The following SCN2A variants were observed in gnomAD, a reference collection of about 807,000 sequenced individuals.
SCN2A encodes sodium channel protein type 2 subunit alpha.
A neutral mutation model predicts 188.7 loss-of-function variants in SCN2A; 20 were observed. The ratio of observed to expected loss-of-function variants is 0.11; its 90% confidence interval spans 0.07 to 0.15. The LOEUF (loss-of-function observed/expected upper bound fraction) is 0.15, where lower values mean the gene tolerates loss of function less well. Ranked by LOEUF, SCN2A falls within the 10% of genes least tolerant of loss-of-function variation. The pLI, the probability that SCN2A is intolerant of heterozygous loss-of-function variation, is 1.00. For missense variants in SCN2A, 1,278 were observed against 2,445.0 expected (o/e 0.52, Z 10.07); for synonymous variants, 804 against 833.1 (o/e 0.97, Z 0.60).
At chr2:165,265,813 CT>C (rs1559325297) in intron 1 of SCN2A, among the ~76,000 whole-genome samples, 1 of 149,908 alleles carries the variant, frequency 6.7e-6, no homozygotes, top group African/African-American at 2.5e-5. Context: ...CTTCTTCTTT[CT>C]TTCTTTCTTC....
At chr2:165,358,386 T>G (rs1700285459) in intron 17 of SCN2A, among the ~76,000 whole-genome samples, 1 of 152,174 alleles carries the variant, frequency 6.6e-6, no homozygotes, top group Non-Finnish European at 1.5e-5. Flanking sequence ...ATAATGTAAA[T>G]GAATAGGAAT....
intron 25 of SCN2A, among the ~76,000 whole-genome samples, chr2:165,383,335 A>C (rs1398817710): frequency 6.6e-6 from 1 of 152,138 alleles, no homozygotes; most frequent in Non-Finnish European, 1.5e-5. Flanking sequence ...ATCAATAGCC[A>C]GAGTGGGATG....
At chr2:165,383,414 T>G (rs1448269881) in intron 25 of SCN2A, among the ~76,000 whole-genome samples, 1 of 152,016 alleles carries the variant, frequency 6.6e-6, no homozygotes, top group African/African-American at 2.4e-5. Flanking sequence ...GAGACTGGAG[T>G]GCAGAAAGTC....
chr2:165,274,148 G>C (rs1192161163), intron 1 of SCN2A: 2 of 151,832 alleles, frequency 1.3e-5, no homozygotes, highest in African/African-American at 4.8e-5. Context: ...ATTTCTTTTT[G>C]TATAAAATAC....
At chr2:165,265,471 C>CCATA (rs1553560051) in intron 1 of SCN2A, among the ~76,000 whole-genome samples, 34 of 29,018 alleles carry the variant, frequency 1.2e-3, no homozygotes, top group Non-Finnish European at 6.5e-4. Flanking sequence ...CTCTGTTGAT[C>CCATA]TATATATATA....
At chr2:165,340,544 T>A (rs913242424) in intron 14 of SCN2A, among the ~76,000 whole-genome samples, 103 of 152,314 alleles carry the variant, frequency 6.8e-4, no homozygotes, top group African/African-American at 2.3e-3. Flanking sequence ...GTCTTTCAAA[T>A]GTAGGTATTG....
chr2:165,296,293 C>A (rs1340430306), intron 2 of SCN2A: 6 of 600,482 alleles, frequency 1.0e-5, no homozygotes, highest in Non-Finnish European at 1.8e-5. Flanking sequence ...GTGAGACAGG[C>A]AGAGAACTGG....
At chr2:165,384,679 T>C (rs1199330540) in intron 25 of SCN2A, among the ~76,000 whole-genome samples, 3 of 152,204 alleles carry the variant, frequency 2.0e-5, no homozygotes, top group East Asian at 3.9e-4. Context: ...AAAACTAAAA[T>C]TGAATAAGAG....
chr2:165,308,813 T>C lies in SCN2A; in HGVS notation c.605+19T>C, dbSNP rs373120658. The C allele has an allele frequency of 5.0e-6, 8 of 1,612,078 alleles. No homozygotes were observed. The African/African-American group carries it at 8.0e-5, about 16-fold the overall frequency. ...CTTTTGCGTAAGTATCTTAATACAT[T>C]TTCTATCCTGGAAGAGTAAATCACT... On this transcript the variant is annotated intron_variant, in intron 5 of 26. Transcript: ENST00000375437.
chr2:165,382,483 A>G (rs1701654087), intron 25 of SCN2A, among the ~76,000 whole-genome samples: 1 of 152,058 alleles, frequency 6.6e-6, no homozygotes, highest in Non-Finnish European at 1.5e-5. Context: ...CCAGGAGTGA[A>G]GTTAGCCAAT....
At chr2:165,362,314 A>G (rs1162853777) in intron 17 of SCN2A, among the ~76,000 whole-genome samples, 1 of 152,094 alleles carries the variant, frequency 6.6e-6, no homozygotes, top group Non-Finnish European at 1.5e-5. Flanking sequence ...GAAAGGGAGC[A>G]ATGTTAATTC....
At chr2:165,354,740 T>C in intron 17 of SCN2A, 69 bp downstream of exon 17, 1 of 1,495,108 alleles carries the variant, frequency 6.7e-7, no homozygotes, top group Non-Finnish European at 9.2e-7. Context: ...ATCAGGTGTT[T>C]TTAAATTGCG....
At position 165,358,071 on chromosome 2, in the gene SCN2A, A is replaced by G. The variant is rs979871619; in HGVS notation, c.3399+3400A>G. 3.9e-5 allele frequency among the ~76,000 whole-genome samples: 6 copies of G among 152,302 alleles called. No individual in the cohort carries two copies. In the East Asian group the frequency reaches 1.2e-3, roughly 29 times the overall value. ...GTGATTTAGCTGCTAATTTTCTTAC[A>G]TAGATTTTAATAGAAATTTTATTCA... On this transcript the variant is annotated intron_variant, in intron 17 of 26. Transcript: ENST00000375437.
At chr2:165,247,637 T>A (rs1024200426) in intron 1 of SCN2A, among the ~76,000 whole-genome samples, 2 of 152,220 alleles carry the variant, frequency 1.3e-5, no homozygotes, top group Non-Finnish European at 2.9e-5. Context: ...TTACTCTGCC[T>A]TCCCAGACTT....
chr2:165,388,509 G>A (rs1183306397), intron 26 of SCN2A, 120 bp from the exon 27 acceptor site: 1 of 1,325,660 alleles, frequency 7.5e-7, no homozygotes, highest in East Asian at 2.5e-5. Flanking sequence ...CAGATTATTT[G>A]CATATATACA....
At chr2:165,260,037 G>A (rs895153395) in intron 1 of SCN2A, among the ~76,000 whole-genome samples, 2 of 144,548 alleles carry the variant, frequency 1.4e-5, no homozygotes, top group Non-Finnish European at 3.0e-5. Flanking sequence ...TCCATCTTCT[G>A]GGTTCCCGCC....
intron 1 of SCN2A, among the ~76,000 whole-genome samples, chr2:165,246,028 C>T (rs1693829573): frequency 6.6e-6 from 1 of 152,038 alleles, no homozygotes; most frequent in African/African-American, 2.4e-5. Flanking sequence ...AGCCTGACTT[C>T]CCAGGGAATT....
rs1199348341 is a variant in SCN2A at position 165,343,039 on chromosome 2, TTCTTTGA to T, written c.2562+576_2562+582del. 2.0e-5 allele frequency among the ~76,000 whole-genome samples: 3 copies of T among 152,206 alleles called. No homozygotes were observed. In the East Asian group the frequency reaches 5.8e-4, roughly 29 times the overall value. On this transcript the variant is annotated intron_variant, in intron 15 of 26. Coordinates refer to ENST00000375437, the MANE Select transcript of SCN2A (RefSeq NM_001040142.2). ...TTTGTTAATTTTAAAGAAAGTATCT[TTCTTTGA>T]TCTTTTATAAAAACTATTAGATCTT...
chr2:165,379,499 C>A (rs1701488926), intron 23 of SCN2A, among the ~76,000 whole-genome samples: 2 of 151,680 alleles, frequency 1.3e-5, no homozygotes. Context: ...GAAGGGTACA[C>A]CAAGGGTTTC....
Sources: gnomAD v4.1 joint callset for allele counts (sites outside exome capture counted in the v4.1 genomes callset) on GRCh38, gnomAD v4.1.1 for gene constraint, MANE v1.5 for transcripts, NCBI Gene and HGNC (gene_info 2026-07-23, HGNC 2026-07-21) for gene names.